The following ITSN1 variants were observed in gnomAD, a reference collection of about 807,000 sequenced individuals.
The protein encoded by ITSN1 is intersectin 1.
Under a neutral mutation model 239.8 loss-of-function variants are expected in ITSN1, and 58 were observed. The observed-to-expected ratio is 0.24, with a 90% CI of 0.20 to 0.30. The LOEUF (loss-of-function observed/expected upper bound fraction) is 0.30. Among genes scored for constraint, ITSN1 ranks in the 10% least tolerant of loss-of-function variants. The pLI is 1.00. For missense variants in ITSN1, 1,558 were observed against 2,103.3 expected, an observed-to-expected ratio of 0.74 and a Z score of 5.07; for synonymous variants, 780 against 770.8, an observed-to-expected ratio of 1.01 and a Z score of -0.20.
intron 1 of ITSN1, among the ~76,000 whole-genome samples, chr21:33,706,678 C>A (rs1286959513): frequency 6.6e-6 from 1 of 152,122 alleles, no homozygotes; most frequent in Admixed American, 6.5e-5. Context: ...TGAGATCTGC[C>A]ACTTAACTTG....
intron 22 of ITSN1, among the ~76,000 whole-genome samples, chr21:33,816,715 G>A (rs1379075720): frequency 1.3e-5 from 2 of 152,154 alleles, no homozygotes; most frequent in East Asian, 1.9e-4. Context: ...GTGAAGTGGC[G>A]GAGAGGATTA....
chr21:33,862,833 G>T (rs1176877677), intron 31 of ITSN1, among the ~76,000 whole-genome samples: 1 of 151,058 alleles, frequency 6.6e-6, no homozygotes, highest in Admixed American at 6.6e-5. Context: ...AATAATATAT[G>T]TAAAACTCTG....
chr21:33,874,110 A>T (rs57554291), intron 33 of ITSN1, among the ~76,000 whole-genome samples: 58,314 of 145,098 alleles, frequency 0.4, 12,376 homozygotes, highest in East Asian at 0.5. Flanking sequence ...GAGCCGAGAT[A>T]GCGCCACTGC....
intron 3 of ITSN1, chr21:33,722,053 C>G (rs1403663785): frequency 6.6e-6 from 1 of 151,394 alleles, no homozygotes. Context: ...ATTACAGGCA[C>G]CCACTACCAT....
chr21:33,874,489 T>C (rs1315249693), intron 33 of ITSN1, among the ~76,000 whole-genome samples: 2 of 152,190 alleles, frequency 1.3e-5, no homozygotes, highest in Non-Finnish European at 2.9e-5. Context: ...AGTGGGTTGA[T>C]GGAACACTGC....
chr21:33,850,904 T>C (rs1339001402), intron 29 of ITSN1, among the ~76,000 whole-genome samples: 1 of 152,084 alleles, frequency 6.6e-6, no homozygotes, highest in African/African-American at 2.4e-5. Context: ...AGAGACTTGG[T>C]CCATGGGGAG....
At chr21:33,703,978 C>G (rs551553787) in intron 1 of ITSN1, among the ~76,000 whole-genome samples, 1 of 152,232 alleles carries the variant, frequency 6.6e-6, no homozygotes, top group Admixed American at 6.5e-5. Context: ...TTCTAGGCCA[C>G]AGGGCCAGGG....
In ITSN1 at chr21:33,811,335, T is replaced by G. The variant is rs904643566; in HGVS notation, c.2567+113T>G. The G allele has an allele frequency of 2.8e-6, 3 of 1,060,924 alleles. No homozygotes were observed. The African/African-American group carries it at 4.8e-5, about 17-fold the overall frequency. The allele number at this position is 1,060,924 out of a possible 1,614,324, so 65.7% of individuals were successfully genotyped here. ...GGATTGTCCTTCTATGTGAGGGAGC[T>G]GGCTCATTTTCAGTACTCCTTTCTC... is the stretch of plus-strand genomic sequence containing the variant. On this transcript the variant is annotated intron_variant, in intron 21 of 39. Coordinates refer to ENST00000381318, the MANE Select transcript of ITSN1 (RefSeq NM_003024.3).
At position 33,687,909 on chromosome 21, in the gene ITSN1, C is replaced by G. The variant is rs958125750; in HGVS notation, c.-32-30888C>G. ...CAGGCTGAATATACAAAGACTGTTT[C>G]TAGGAAAACTTGTGCTTTGTACAGA... is the stretch of plus-strand genomic sequence containing the variant. On this transcript the variant is annotated intron_variant, in intron 1 of 39. Coordinates refer to ENST00000381318, the MANE Select transcript of ITSN1 (RefSeq NM_003024.3). 3.3e-5 allele frequency among the ~76,000 whole-genome samples: 5 copies of G among 152,260 alleles called. 1 individual carries two copies. The highest frequency in any genetic ancestry group is 1.2e-4 in the African/African-American group (5 of 41,548).
intron 5 of ITSN1, among the ~76,000 whole-genome samples, chr21:33,746,696 G>A (rs1277885778): frequency 2.0e-5 from 3 of 151,442 alleles, no homozygotes; most frequent in Non-Finnish European, 4.4e-5. Context: ...CAAAAAATTA[G>A]CTGGACATGA....
At chr21:33,845,579 C>T (rs917636777) in intron 29 of ITSN1, among the ~76,000 whole-genome samples, 1 of 152,074 alleles carries the variant, frequency 6.6e-6, no homozygotes, top group South Asian at 2.1e-4. Flanking sequence ...CTTCCCTCTC[C>T]TCATTTATTC....
At chr21:33,690,921 A>G (rs1327481429) in intron 1 of ITSN1, among the ~76,000 whole-genome samples, 1 of 146,824 alleles carries the variant, frequency 6.8e-6, no homozygotes, top group Non-Finnish European at 1.5e-5. Flanking sequence ...GGCCATGGGC[A>G]AGTCCTGTTT....
rs367655089 is a variant in ITSN1, at chr21:33,765,990, G to A, written c.904G>A (p.Glu302Lys). ...GQPLPPVLPP[E>K]YIPPSFRRVR... ...ACCACTGCCACCTGTCCTGCCTCCA[G>A]AATACATTCCACCTTCTTTTAGGTA... Residue 302 changes from glutamate (E) to lysine (K), a missense_variant, in exon 10 of 40, where the codon GAA becomes AAA. Physicochemically the swap from Glu to Lys is moderately conservative, Grantham distance 56. This residue lies in a region of ITSN1 where 982 missense variants were observed against 1,209.9 expected (regional missense o/e 0.81). Transcript: ENST00000381318. 2 of 1,614,164 alleles carry A rather than the reference G, an allele frequency of 1.2e-6. No homozygotes were observed. The highest frequency in any genetic ancestry group is 1.7e-6 in the Non-Finnish European group (2 of 1,180,028).
In ITSN1 at chr21:33,836,474, C is replaced by T. The variant is rs748645246; in HGVS notation, c.3503C>T (p.Ala1168Val). The T allele has an allele frequency of 2.9e-5, 46 of 1,613,350 alleles. No homozygotes were observed. Among genetic ancestry groups the T allele is most frequent in the South Asian group, 7.7e-5 (7 of 90,938 alleles). ...GTGATTGGGATGTACGACTACACCG[C>T]GCAGAATGACGATGAGCTGGCCTTC... ...CQVIGMYDYT[A>V]QNDDELAFNK... Residue 1168 changes from alanine to valine, a missense_variant, in exon 29 of 40, where the codon GCG (alanine) becomes GTG (valine). Transcript: ENST00000381318.
At chr21:33,760,247 T>G (rs1221953124) in intron 8 of ITSN1, among the ~76,000 whole-genome samples, 1 of 152,162 alleles carries the variant, frequency 6.6e-6, no homozygotes, top group Admixed American at 6.5e-5. Context: ...ATAAGCCAGG[T>G]GGAACAGCGG....
intron 29 of ITSN1, among the ~76,000 whole-genome samples, chr21:33,851,290 C>T (rs890904713): frequency 1.3e-5 from 2 of 152,332 alleles, no homozygotes; most frequent in South Asian, 2.1e-4. Flanking sequence ...GAGACCCAGC[C>T]TCAGGAGGGC....
At chr21:33,845,043 G>A (rs1022341196) in intron 29 of ITSN1, among the ~76,000 whole-genome samples, 6 of 152,036 alleles carry the variant, frequency 3.9e-5, no homozygotes, top group Non-Finnish European at 8.8e-5. Flanking sequence ...CATGGCTGAG[G>A]TACATGGAAC....
Position 33,762,117 on chromosome 21 carries a change from T to C in ITSN1, c.788+131T>C, listed in dbSNP as rs73199862. On this transcript the variant is annotated intron_variant, in intron 9 of 39. Transcript: ENST00000381318. ...GAATTTGCTTAATTTCAGTGAGTTG[T>C]AATGATTGCCTCTTTTATAATACTA... 44,791 of 706,042 alleles carry C rather than the reference T, an allele frequency of 0.063. 1,670 individuals are homozygous for C. The highest frequency in any genetic ancestry group is 0.099 in the Middle Eastern group (273 of 2,770). The allele number at this position is 706,042 out of a possible 1,614,324, so 43.7% of individuals were successfully genotyped here.
At chr21:33,870,618 G>A (rs1471101495) in intron 33 of ITSN1, among the ~76,000 whole-genome samples, 4 of 152,144 alleles carry the variant, frequency 2.6e-5, no homozygotes, top group Admixed American at 6.5e-5. Flanking sequence ...TTAGATCATA[G>A]CAACCTAAAA....
Sources: gnomAD v4.1 joint callset for allele counts (sites outside exome capture counted in the v4.1 genomes callset) on GRCh38, gnomAD v4.1.1 for gene constraint, gnomAD v4.1.1 regional missense constraint, MANE v1.5 for transcripts, NCBI Gene and HGNC (gene_info 2026-07-23, HGNC 2026-07-21) for gene names.